The following ARHGAP28 variants were observed in gnomAD, a reference collection of about 807,000 sequenced individuals.
ARHGAP28 encodes rho GTPase-activating protein 28.
A neutral mutation model predicts 90.7 loss-of-function variants in ARHGAP28; 56 were observed. That is an observed-to-expected ratio of 0.62 (90% confidence interval 0.50 to 0.77). The LOEUF is 0.77. Ranked by LOEUF, ARHGAP28 falls within the 30% of genes least tolerant of loss-of-function variation. The probability of loss-of-function intolerance (pLI) is 0.00; values close to 1 mark genes in which losing one functional copy is unlikely to be tolerated. For synonymous variants in ARHGAP28, 308 were observed against 323.3 expected (o/e 0.95, Z 0.51); for missense variants, 869 against 900.9 (o/e 0.96, Z 0.45).
chr18:6,890,554 A>G lies in ARHGAP28; in HGVS notation c.1848+11A>G. On this transcript the variant is annotated intron_variant, in intron 14 of 17. Transcript: ENST00000383472. The stretch of plus-strand genomic sequence containing the variant: ...ACCCTCGAGCGGGAGGTAAGACAGC[A>G]AATGAGGCATGGCGATTGTCCACTG... 1 of 1,566,144 alleles carries G rather than the reference A, an allele frequency of 6.4e-7. No homozygotes were observed. The highest frequency in any genetic ancestry group is 8.7e-7 in the Non-Finnish European group (1 of 1,144,996).
At chr18:6,752,940 AT>A (rs1400638356) in intron 1 of ARHGAP28, among the ~76,000 whole-genome samples, 2 of 74,558 alleles carry the variant, frequency 2.7e-5, no homozygotes, top group African/African-American at 7.1e-5. Context: ...TTACCCACTA[AT>A]TGGCAATACT....
chr18:6,879,513 A>C (rs887476118), intron 10 of ARHGAP28, among the ~76,000 whole-genome samples: 4 of 152,214 alleles, frequency 2.6e-5, no homozygotes, highest in African/African-American at 7.2e-5. Context: ...AGGTAAACTC[A>C]TACCCGGCTG....
At chr18:6,902,050 A>T (rs1028679792) in intron 16 of ARHGAP28, among the ~76,000 whole-genome samples, 8 of 152,104 alleles carry the variant, frequency 5.3e-5, no homozygotes, top group Admixed American at 1.3e-4. Flanking sequence ...TTAATCTCAC[A>T]ATCTTTAATT....
intron 5 of ARHGAP28, among the ~76,000 whole-genome samples, chr18:6,866,924 TTTC>T (rs2057042224): frequency 6.6e-6 from 1 of 152,226 alleles, no homozygotes; most frequent in South Asian, 2.1e-4. Context: ...TGACAAAGCA[TTTC>T]TTTGTTGGAA....
At chr18:6,774,009 C>T (rs2056263952) in intron 1 of ARHGAP28, 1 of 152,250 alleles carries the variant, frequency 6.6e-6, no homozygotes. Flanking sequence ...GGAATTAGTT[C>T]TTCACTTAGA....
At chr18:6,757,551 A>T (rs933321784) in intron 1 of ARHGAP28, among the ~76,000 whole-genome samples, 1 of 152,214 alleles carries the variant, frequency 6.6e-6, no homozygotes, top group African/African-American at 2.4e-5. Flanking sequence ...AAATCCATAC[A>T]GATTTGGTAA....
chr18:6,853,634 G>A (rs190286370), intron 4 of ARHGAP28, among the ~76,000 whole-genome samples: 13 of 152,090 alleles, frequency 8.5e-5, no homozygotes, highest in South Asian at 2.1e-4. Flanking sequence ...CACCATACCC[G>A]GCTAATTTTT....
intron 1 of ARHGAP28, among the ~76,000 whole-genome samples, chr18:6,738,113 A>T (rs1461353339): frequency 6.6e-6 from 1 of 152,212 alleles, no homozygotes; most frequent in Non-Finnish European, 1.5e-5. Flanking sequence ...GACAGGAAGG[A>T]GAAACTGGAA....
intron 1 of ARHGAP28, chr18:6,730,236 T>TATATATATATATATATATATACAC (rs767639864): frequency 5.0e-6 from 1 of 198,686 alleles, no homozygotes; most frequent in African/African-American, 2.4e-5. Context: ...TATATATATA[T>TATATATATATATATATATATACAC]ACCTCATTTC....
chr18:6,829,938 A>G (rs1185709394), intron 2 of ARHGAP28, among the ~76,000 whole-genome samples: 1 of 152,144 alleles, frequency 6.6e-6, no homozygotes, highest in African/African-American at 2.4e-5. Flanking sequence ...CTTCTAGGGG[A>G]GAATGCGTTC....
Position 6,911,754 on chromosome 18 carries a change from T to C in ARHGAP28, c.2096-306T>C, listed in dbSNP as rs370429000. 3.9e-5 allele frequency among the ~76,000 whole-genome samples: 6 copies of C among 152,224 alleles called. No homozygotes were observed. In the East Asian group the frequency reaches 9.7e-4, roughly 25 times the overall value. ...CCCAGCCCTTGCCATAATTTTCTAA[T>C]TGATGCCATGAAGCAAGGGAACAAT... On this transcript the variant is annotated intron_variant, in intron 17 of 17. Transcript: ENST00000383472.
chr18:6,827,389 G>A (rs1422549556), intron 2 of ARHGAP28, among the ~76,000 whole-genome samples: 55 of 148,524 alleles, frequency 3.7e-4, no homozygotes, highest in Non-Finnish European at 6.1e-4. Flanking sequence ...CTCCCTCCGA[G>A]ATGGGGCGGC....
chr18:6,911,010 A>C (rs1049388557), intron 17 of ARHGAP28, among the ~76,000 whole-genome samples: 3 of 151,872 alleles, frequency 2.0e-5, no homozygotes, highest in Non-Finnish European at 4.4e-5. Flanking sequence ...ACGCCCGGCT[A>C]ATTTTGCTAG....
chr18:6,738,731 A>G (rs1003301214), intron 1 of ARHGAP28, among the ~76,000 whole-genome samples: 5 of 152,206 alleles, frequency 3.3e-5, no homozygotes, highest in African/African-American at 1.2e-4. Flanking sequence ...AGTGGTTGGG[A>G]GTAAATCTAT....
At chr18:6,828,132 C>G (rs1466843495) in intron 2 of ARHGAP28, among the ~76,000 whole-genome samples, 2 of 152,276 alleles carry the variant, frequency 1.3e-5, no homozygotes, top group South Asian at 2.1e-4. Flanking sequence ...GCAGATCACT[C>G]GCGGTTAGGA....
In ARHGAP28 at chr18:6,886,878, G is replaced by A. The variant is rs776691590; in HGVS notation, c.1454-279G>A. ...AGTATTAAAGGAAGGGAAGGTCTGC[G>A]AAAGTACTTTGAAAGGGAAGTGCTA... On this transcript the variant is annotated intron_variant, in intron 11 of 17. Transcript: ENST00000383472. Among the ~76,000 whole-genome samples, 20 of 152,262 alleles carry A rather than the reference G, an allele frequency of 1.3e-4. 1 individual carries two copies. Among genetic ancestry groups the A allele is most frequent in the Admixed American group, 2.6e-4 (4 of 15,284 alleles).
At chr18:6,827,845 G>T (rs2056683796) in intron 2 of ARHGAP28, among the ~76,000 whole-genome samples, 3 of 151,440 alleles carry the variant, frequency 2.0e-5, no homozygotes, top group South Asian at 4.2e-4. Context: ...CCGGACAGAG[G>T]CACTCCCCAC....
intron 1 of ARHGAP28, among the ~76,000 whole-genome samples, chr18:6,794,863 T>A (rs1337392578): frequency 6.6e-6 from 1 of 151,976 alleles, no homozygotes; most frequent in African/African-American, 2.4e-5. Flanking sequence ...TTAAATTTTT[T>A]ATAGAGACAG....
intron 5 of ARHGAP28, among the ~76,000 whole-genome samples, chr18:6,864,810 C>T (rs2057025868): frequency 6.6e-6 from 1 of 152,034 alleles, no homozygotes; most frequent in Admixed American, 6.6e-5. Context: ...TCTGCTTCCC[C>T]AGTAACTGGG....
Sources: allele counts gnomAD v4.1 joint callset (sites outside exome capture counted in the v4.1 genomes callset), GRCh38; gene constraint gnomAD v4.1.1; transcripts MANE v1.5; gene names NCBI Gene and HGNC (gene_info 2026-07-23, HGNC 2026-07-21).